ATP2A2: variants seen among roughly 807,000 people sequenced by gnomAD.
ATP2A2 encodes the protein sarcoplasmic/endoplasmic reticulum calcium ATPase 2.
Under a neutral mutation model 109.3 loss-of-function variants are expected in ATP2A2, and 14 were observed. That is an observed-to-expected ratio of 0.13 (90% confidence interval 0.08 to 0.20). The LOEUF (loss-of-function observed/expected upper bound fraction) is 0.20. Ranked by LOEUF, ATP2A2 falls within the 10% of genes least tolerant of loss-of-function variation. The pLI is 1.00. For synonymous variants in ATP2A2, 506 were observed against 490.9 expected (o/e 1.03, Z -0.41); for missense variants, 657 against 1,321.6 (o/e 0.50, Z 7.80).
chr12:110,301,968 C>G (rs1368920009), intron 5 of ATP2A2, among the ~76,000 whole-genome samples: 2 of 152,102 alleles, frequency 1.3e-5, no homozygotes, highest in Non-Finnish European at 2.9e-5. Flanking sequence ...TTACCCTGAC[C>G]TATCTCGCTT....
chr12:110,345,722 G>A (rs1879782738), intron 18 of ATP2A2: 1 of 576,466 alleles, frequency 1.7e-6, no homozygotes, highest in Non-Finnish European at 3.1e-6. Context: ...TGACAAAAAT[G>A]GAAATTTCTA....
At chr12:110,315,991 G>T (rs995456825) in intron 5 of ATP2A2, among the ~76,000 whole-genome samples, 1 of 152,138 alleles carries the variant, frequency 6.6e-6, no homozygotes, top group African/African-American at 2.4e-5. Context: ...GGAGGCTGAG[G>T]CAGGAAAATC....
In ATP2A2 at chr12:110,342,560, A is replaced by C. The variant is rs964941186; in HGVS notation, c.2318+112A>C. ...GCAGCAGCTTTGGTCTTTGTGCCTG[A>C]GTTGGAAGAGGGGAGTGGGCAAGAC... On this transcript the variant is annotated intron_variant, in intron 15 of 19. Transcript: ENST00000539276. The surrounding 1 kb of genome is among the most constrained non-coding windows in gnomAD (Gnocchi z 4.6). 7.8e-7 allele frequency: 1 copy of C among 1,284,278 alleles called. No homozygotes were observed. The highest frequency in any genetic ancestry group is 2.0e-5 in the Admixed American group (1 of 50,766). The allele number at this position is 1,284,278 out of a possible 1,614,324, so 79.6% of individuals were successfully genotyped here. A position where few individuals can be genotyped will look rare whatever the true frequency, so the allele number is the denominator to read the frequency against.
intron 5 of ATP2A2, 102 bp downstream of exon 5, chr12:110,296,839 A>C (rs1336238279): frequency 1.8e-5 from 24 of 1,318,492 alleles, no homozygotes; most frequent in Non-Finnish European, 2.3e-5. Flanking sequence ...GTTTTCATGT[A>C]TCAATTAACA....
chr12:110,300,964 A>T (rs1874564832), intron 5 of ATP2A2, among the ~76,000 whole-genome samples: 1 of 152,198 alleles, frequency 6.6e-6, no homozygotes, highest in Non-Finnish European at 1.5e-5. Flanking sequence ...TGTAGATGAC[A>T]TCACCTAAAT....
At position 110,282,629 on chromosome 12, in the gene ATP2A2, T is replaced by TA. The variant is rs760125967; in HGVS notation, c.136+10dup. 1 of 1,614,102 alleles carries TA rather than the reference T, an allele frequency of 6.2e-7. No homozygotes were observed. The highest frequency in any genetic ancestry group is 1.7e-5 in the Admixed American group (1 of 60,022). ...AGTTACCGGCTGAAGAAGGTAATCTTAACATGCTGTTTCTGTTTTTTTTCC... is the reference window on the plus strand; with the variant it reads ...AGTTACCGGCTGAAGAAGGTAATCTTAAACATGCTGTTTCTGTTTTTTTTCC... On this transcript the variant is annotated intron_variant, in intron 2 of 19. Coordinates refer to ENST00000539276, the MANE Select transcript of ATP2A2 (RefSeq NM_170665.4).
intron 16 of ATP2A2, 104 bp from the exon 17 acceptor site, chr12:110,344,782 C>A: frequency 8.8e-7 from 1 of 1,132,050 alleles, no homozygotes; most frequent in Non-Finnish European, 1.3e-6. Context: ...CCATCACTGT[C>A]CCATGTCTTT....
chr12:110,334,222 T>C, intron 11 of ATP2A2, 79 bp downstream of exon 11: 1 of 1,560,232 alleles, frequency 6.4e-7, no homozygotes, highest in Non-Finnish European at 8.8e-7. Flanking sequence ...ACTGTCCTAC[T>C]CTCTTAGAAA....
intron 5 of ATP2A2, among the ~76,000 whole-genome samples, chr12:110,315,153 A>G (rs553628835): frequency 2.6e-5 from 4 of 152,352 alleles, no homozygotes; most frequent in South Asian, 4.1e-4. Flanking sequence ...GGCGTGAGCC[A>G]TCGCGCCCGG....
intron 5 of ATP2A2, among the ~76,000 whole-genome samples, chr12:110,317,394 AT>A (rs562521403): frequency 1.2e-3 from 185 of 151,164 alleles, no homozygotes; most frequent in African/African-American, 4.4e-3. Context: ...TTTTAAAAAA[AT>A]AATGCTGATT....
rs1420250563 is a variant in ATP2A2, at chr12:110,347,578, ATG to A, written c.*1116_*1117del. 1.3e-5 allele frequency: 16 copies of A among 1,252,604 alleles called. No individual in the cohort carries two copies. In the Admixed American group the frequency reaches 4.1e-4, roughly 32 times the overall value. The allele number at this position is 1,252,604 out of a possible 1,614,324, so 77.6% of individuals were successfully genotyped here. A position where few individuals can be genotyped will look rare whatever the true frequency, so the allele number is the denominator to read the frequency against. ...TAAGGGCAAGTGTGTATGTGTGTGT[ATG>A]TGTGTGTTTTGTAAAATCTGTAAAT... On this transcript the variant is annotated 3_prime_UTR_variant, in exon 20 of 20. Coordinates refer to ENST00000539276, the MANE Select transcript of ATP2A2 (RefSeq NM_170665.4).
In ATP2A2 at chr12:110,327,615, A is replaced by G. The variant is rs1592845559; in HGVS notation, c.693A>G (p.Glu231=). The change falls in exon 8 of 20, where the codon GAA becomes GAG. Residue 231 remains glutamate, a synonymous_variant. Coordinates refer to ENST00000539276, the MANE Select transcript of ATP2A2 (RefSeq NM_170665.4). This position sits in a 1 kb window ranked among gnomAD's most constrained non-coding sequence, Gnocchi z 4.4. ...TGGTAGCAACTGGAGTTAACACCGA[A>G]ATTGGCAAGATCCGGGATGAAATGG... ...GVVVATGVNT[E]IGKIRDEMVA... 1 of 1,614,092 alleles carries G rather than the reference A, an allele frequency of 6.2e-7. No individual in the cohort carries two copies. Among genetic ancestry groups the G allele is most frequent in the Non-Finnish European group, 8.5e-7 (1 of 1,180,024 alleles).
Position 110,350,145 on chromosome 12 carries a change from CAG to C in ATP2A2, c.*3677_*3678del, listed in dbSNP as rs565251818. The C allele has an allele frequency of 2.1e-4, 330 of 1,550,158 alleles. 2 individuals are homozygous for C. The African/African-American group carries it at 4.0e-3, about 19-fold the overall frequency. ...GGGCGGCACCTCAGGGACAGTAAAT[CAG>C]AAATGCTGGTCTTGAAACCTTGAAA... On this transcript the variant is annotated 3_prime_UTR_variant, in exon 20 of 20. Transcript: ENST00000539276.
intron 4 of ATP2A2, chr12:110,295,981 T>C (rs923452577): frequency 2.6e-5 from 4 of 153,522 alleles, no homozygotes; most frequent in African/African-American, 9.6e-5. Flanking sequence ...AGGTAGGAAC[T>C]GTTAGTGTTG....
rs1013277468 is a variant in ATP2A2 at position 110,286,293 on chromosome 12, A to G, written c.219+3498A>G. Among the ~76,000 whole-genome samples the G allele has an allele frequency of 2.0e-5, 3 of 152,276 alleles. No individual in the cohort carries two copies. The East Asian group carries it at 5.8e-4, about 29-fold the overall frequency. ...CAGTAGAATTTTCTGAAAATACATGAGATCTTTTTACTGTAGTTTCTCAGA... is the reference window on the plus strand; with the variant it reads ...CAGTAGAATTTTCTGAAAATACATGGGATCTTTTTACTGTAGTTTCTCAGA... On this transcript the variant is annotated intron_variant, in intron 3 of 19. Transcript: ENST00000539276.
chr12:110,282,069 C>G (rs1456488733), intron 1 of ATP2A2, among the ~76,000 whole-genome samples, 162 bp downstream of exon 1: 1 of 152,080 alleles, frequency 6.6e-6, no homozygotes, highest in Non-Finnish European at 1.5e-5. Context: ...AAAGGGGCTG[C>G]GGTCCTCGCC....
intron 5 of ATP2A2, among the ~76,000 whole-genome samples, chr12:110,302,438 C>A (rs1230899469): frequency 6.6e-6 from 1 of 152,102 alleles, no homozygotes; most frequent in African/African-American, 2.4e-5. Context: ...TCACCTGTTT[C>A]TGAATCCTTC....
upstream of ATP2A2, chr12:110,280,865 G>C (rs764017999): frequency 6.6e-6 from 1 of 152,414 alleles, no homozygotes; most frequent in Non-Finnish European, 1.5e-5. Flanking sequence ...GACGCCCCGC[G>C]TGGACCGCGC....
intron 3 of ATP2A2, among the ~76,000 whole-genome samples, chr12:110,288,249 T>A (rs1277984304): frequency 6.6e-6 from 1 of 151,608 alleles, no homozygotes; most frequent in Non-Finnish European, 1.5e-5. Context: ...AGGCATGCCC[T>A]GCCATGCCCA....
Sources: allele counts gnomAD v4.1 joint callset (sites outside exome capture counted in the v4.1 genomes callset), GRCh38; gene constraint gnomAD v4.1.1; non-coding constraint Gnocchi (gnomAD v3.1); transcripts MANE v1.5; gene names NCBI Gene and HGNC (gene_info 2026-07-23, HGNC 2026-07-21).